UIMC1: variants seen among roughly 807,000 people sequenced by gnomAD.
The protein encoded by UIMC1 is BRCA1-A complex subunit RAP80.
UIMC1 carries 42 observed loss-of-function variants against 84.9 expected under a neutral mutation model. The ratio of observed to expected loss-of-function variants is 0.49; its 90% CI spans 0.39 to 0.64. The LOEUF is 0.64. Among genes scored for constraint, UIMC1 ranks in the 30% least tolerant of loss-of-function variants. The pLI is 0.00. For synonymous variants in UIMC1, 281 were observed against 293.0 expected (o/e 0.96, Z 0.42); for missense variants, 825 against 847.6 (o/e 0.97, Z 0.33).
rs187809874 is a variant in UIMC1, at chr5:176,983,847, C to T, written c.-8-1224G>A. ...GAGGAGCGCCTCTGCCCGGCTGCCC[C>T]GTCTGGGAGGAAGTGAGGAGTGCCT... On this transcript the variant is annotated intron_variant, in intron 1 of 14. Coordinates refer to ENST00000511320, the MANE Select transcript of UIMC1 (RefSeq NM_001199298.2). 9.0e-3 allele frequency among the ~76,000 whole-genome samples: 1,344 copies of T among 149,328 alleles called. 7 individuals are homozygous for T. Among genetic ancestry groups the T allele is most frequent in the South Asian group, 0.024 (114 of 4,704 alleles).
intron 6 of UIMC1, among the ~76,000 whole-genome samples, chr5:176,967,558 G>A (rs937255577): frequency 6.6e-5 from 10 of 151,896 alleles, no homozygotes; most frequent in Non-Finnish European, 1.3e-4. Flanking sequence ...TTTGAATTTC[G>A]AGCCATGTGA....
At chr5:176,996,297 G>T (rs192561725) in intron 1 of UIMC1, among the ~76,000 whole-genome samples, 3 of 152,158 alleles carry the variant, frequency 2.0e-5, no homozygotes, top group Non-Finnish European at 4.4e-5. Context: ...AAGAGGAAGA[G>T]AAATTACTGG....
At chr5:176,943,605 A>G (rs1375624263) in intron 9 of UIMC1, 117 bp from the exon 10 acceptor site, 9 of 1,296,848 alleles carry the variant, frequency 6.9e-6, no homozygotes, top group Non-Finnish European at 8.5e-6. Context: ...ACAACAGCTT[A>G]TCAAATTCAG....
At chr5:176,924,418 A>T (rs533276911) in intron 10 of UIMC1, among the ~76,000 whole-genome samples, 3 of 152,330 alleles carry the variant, frequency 2.0e-5, no homozygotes, top group African/African-American at 4.8e-5. Context: ...CTCGCTATGA[A>T]GCTACTATAA....
rs1775315401 is a variant in UIMC1, at chr5:177,006,662, G to C, written c.-21C>G. On this transcript the variant is annotated 5_prime_UTR_variant, in exon 1 of 15. Coordinates refer to ENST00000511320, the MANE Select transcript of UIMC1 (RefSeq NM_001199298.2). ...GGCGGGTACTCACTCGCTGGCGCAG[G>C]CCGCTCTGTAGACCTTCTCCGGGTT... is the stretch of plus-strand genomic sequence containing the variant. 6.6e-6 allele frequency: 1 copy of C among 152,244 alleles called. No individual in the cohort carries two copies. The highest frequency in any genetic ancestry group is 6.5e-5 in the Admixed American group (1 of 15,280). 9.4% of individuals were successfully genotyped at this position (152,244 alleles called of 1,614,324 possible).
At chr5:176,986,854 T>TAGAA (rs201444536) in intron 1 of UIMC1, among the ~76,000 whole-genome samples, 1,632 of 152,186 alleles carry the variant, frequency 0.011, 10 homozygotes, top group South Asian at 0.025. Context: ...ATACTCAACT[T>TAGAA]AGAAGTAAAA....
chr5:176,996,307 G>C (rs1027884218), intron 1 of UIMC1, among the ~76,000 whole-genome samples: 4 of 152,184 alleles, frequency 2.6e-5, no homozygotes, highest in African/African-American at 7.2e-5. Flanking sequence ...GAAATTACTG[G>C]TAAGGGGCAG....
chr5:177,007,301 A>T (rs1396593563), upstream of UIMC1, among the ~76,000 whole-genome samples: 2 of 146,510 alleles, frequency 1.4e-5, no homozygotes, highest in African/African-American at 2.6e-5. Flanking sequence ...GGTCACTGCC[A>T]CTGCACTCCA....
intron 1 of UIMC1, among the ~76,000 whole-genome samples, chr5:177,000,096 T>C (rs1774221988): frequency 1.3e-5 from 2 of 152,074 alleles, no homozygotes; most frequent in Non-Finnish European, 2.9e-5. Context: ...GTAGCTGGGA[T>C]ACAGGCGCCC....
chr5:176,926,128 C>A (rs1762361791), intron 10 of UIMC1, among the ~76,000 whole-genome samples: 1 of 151,860 alleles, frequency 6.6e-6, no homozygotes, highest in Non-Finnish European at 1.5e-5. Flanking sequence ...ACTGGGGAAA[C>A]CCTCTAAATT....
At chr5:176,912,460 C>G (rs1054221460) in intron 10 of UIMC1, among the ~76,000 whole-genome samples, 1 of 139,736 alleles carries the variant, frequency 7.2e-6, no homozygotes, top group African/African-American at 2.7e-5. Context: ...ATGATACAGT[C>G]TTGACTGTTT....
At chr5:177,015,482 A>G (rs956175176) in intron 1 of UIMC1, among the ~76,000 whole-genome samples, 2 of 152,200 alleles carry the variant, frequency 1.3e-5, no homozygotes, top group African/African-American at 4.8e-5. Context: ...TCCAGCTCCA[A>G]GGGTGGCCCA....
chr5:176,997,051 A>G (rs1773713174), intron 1 of UIMC1, among the ~76,000 whole-genome samples: 1 of 151,814 alleles, frequency 6.6e-6, no homozygotes, highest in Non-Finnish European at 1.5e-5. Context: ...CACACACACA[A>G]ATTTGAGAGC....
chr5:177,008,476 C>T (rs1374327266), upstream of UIMC1, among the ~76,000 whole-genome samples: 2 of 152,106 alleles, frequency 1.3e-5, no homozygotes, highest in Non-Finnish European at 2.9e-5. Flanking sequence ...TAGCAATGGG[C>T]CTGTCCTAAA....
At chr5:176,979,175 G>A (rs537009212) in intron 2 of UIMC1, among the ~76,000 whole-genome samples, 2 of 152,294 alleles carry the variant, frequency 1.3e-5, no homozygotes, top group African/African-American at 4.8e-5. Context: ...CTGGGGAATG[G>A]AGAGATTATT....
chr5:177,002,598 G>A (rs961334645), intron 1 of UIMC1, among the ~76,000 whole-genome samples: 9 of 152,018 alleles, frequency 5.9e-5, no homozygotes, highest in Non-Finnish European at 1.2e-4. Flanking sequence ...TCAGGAAATC[G>A]AGACCATCCT....
At chr5:176,907,281 G>C in intron 12 of UIMC1, 104 bp from the exon 13 acceptor site, 2 of 1,105,900 alleles carry the variant, frequency 1.8e-6, no homozygotes, top group Non-Finnish European at 2.7e-6. Flanking sequence ...AAAGGTGTGG[G>C]GGCCACAGCT....
chr5:177,000,052 G>A (rs1001835755), intron 1 of UIMC1, among the ~76,000 whole-genome samples: 2 of 152,028 alleles, frequency 1.3e-5, no homozygotes, highest in Non-Finnish European at 2.9e-5. Flanking sequence ...TCCACCTCCC[G>A]GGTTCACACC....
intron 1 of UIMC1, among the ~76,000 whole-genome samples, chr5:176,984,476 C>T (rs1283240702): frequency 6.7e-6 from 1 of 149,280 alleles, no homozygotes; most frequent in Non-Finnish European, 1.5e-5. Context: ...TGAGGAGCGC[C>T]TCTGCCTGGC....
Sources: gnomAD v4.1 joint callset for allele counts (sites outside exome capture counted in the v4.1 genomes callset) on GRCh38, gnomAD v4.1.1 for gene constraint, MANE v1.5 for transcripts, NCBI Gene and HGNC (gene_info 2026-07-23, HGNC 2026-07-21) for gene names.